DAB1: variants seen among roughly 807,000 people sequenced by gnomAD.
DAB1 encodes the protein disabled homolog 1.
A neutral mutation model predicts 64.6 loss-of-function variants in DAB1; 15 were observed. That is an observed-to-expected ratio of 0.23 (90% confidence interval 0.16 to 0.36). The LOEUF (loss-of-function observed/expected upper bound fraction) is 0.36. DAB1 is among the 10% of genes least tolerant of loss of function. The probability of loss-of-function intolerance (pLI) is 1.00; values close to 1 mark genes in which losing one functional copy is unlikely to be tolerated. For missense variants in DAB1, 596 were observed against 706.7 expected (o/e 0.84, Z 1.78); for synonymous variants, 235 against 251.9 (o/e 0.93, Z 0.64).
chr1:58,414,908 A>C (rs1282370819), intron 3 of DAB1, among the ~76,000 whole-genome samples: 1 of 152,242 alleles, frequency 6.6e-6, no homozygotes, highest in Non-Finnish European at 1.5e-5. Flanking sequence ...AAAAAATAAA[A>C]ATTTTAATAA....
chr1:57,034,873 A>G lies in DAB1; in HGVS notation c.724-8830T>C, dbSNP rs115498170. On this transcript the variant is annotated intron_variant, in intron 9 of 14. Transcript: ENST00000371236. ...GTCAGGATTTGCTTTCACCCTGTCT[A>G]TAGGACATGTGACTGTTACTTCCCT... Among the ~76,000 whole-genome samples, 376 of 152,296 alleles carry G rather than the reference A, an allele frequency of 2.5e-3. 1 individual carries two copies. The highest frequency in any genetic ancestry group is 8.3e-3 in the African/African-American group (347 of 41,574).
intron 1 of DAB1, among the ~76,000 whole-genome samples, chr1:57,833,774 T>C (rs1652692971): frequency 6.6e-6 from 1 of 152,190 alleles, no homozygotes; most frequent in Non-Finnish European, 1.5e-5. Context: ...TCATTTGGCA[T>C]GGATGACAAA....
At position 58,296,790 on chromosome 1, in the gene DAB1, C is replaced by T. The variant is rs61781882; in HGVS notation, n.309+46562G>A. ...AAAACCCAGGGTGGAGCAAGACTAC[C>T]TGGGTTTGAATCCCAATCCACTTCC... On this transcript the variant is annotated intron_variant and non_coding_transcript_variant, in intron 4 of 20. Coordinates refer to the DAB1 transcript ENST00000485760. Among the ~76,000 whole-genome samples the T allele has an allele frequency of 9.2e-3, 1,395 of 152,274 alleles. 13 individuals are homozygous for T. Among genetic ancestry groups the T allele is most frequent in the Non-Finnish European group, 0.014 (953 of 68,010 alleles).
chr1:57,175,312 TA>T (rs1377451179), intron 2 of DAB1, among the ~76,000 whole-genome samples: 13 of 137,334 alleles, frequency 9.5e-5, no homozygotes, highest in Non-Finnish European at 1.9e-4. Flanking sequence ...TTTCAGACTT[TA>T]AATTTTTTTT....
chr1:57,474,342 C>T (rs1293319949), intron 7 of DAB1, among the ~76,000 whole-genome samples: 4 of 152,136 alleles, frequency 2.6e-5, no homozygotes, highest in Non-Finnish European at 5.9e-5. Context: ...CTGTTTCTTC[C>T]ATCTTACAGC....
At chr1:57,769,274 GTCC>G (rs1377171923) in intron 6 of DAB1, among the ~76,000 whole-genome samples, 1 of 152,104 alleles carries the variant, frequency 6.6e-6, no homozygotes, top group Admixed American at 6.6e-5. Flanking sequence ...AAATTCTCCT[GTCC>G]TCCTCTGCCC....
intron 7 of DAB1, among the ~76,000 whole-genome samples, chr1:57,432,586 G>C (rs1393934372): frequency 6.6e-6 from 1 of 152,146 alleles, no homozygotes; most frequent in Non-Finnish European, 1.5e-5. Flanking sequence ...AACAAGAAGA[G>C]GACTAAGAGG....
intron 7 of DAB1, among the ~76,000 whole-genome samples, chr1:57,559,868 G>A (rs547004339): frequency 4.6e-5 from 7 of 152,340 alleles, no homozygotes; most frequent in East Asian, 1.9e-4. Flanking sequence ...GAGGGATTGC[G>A]AAGATTAGTG....
intron 4 of DAB1, among the ~76,000 whole-genome samples, chr1:58,239,332 T>A (rs1660187630): frequency 6.6e-6 from 1 of 152,160 alleles, no homozygotes; most frequent in Admixed American, 6.5e-5. Flanking sequence ...AAGATGCACG[T>A]TTTCATGTTT....
chr1:57,724,757 G>A (rs1297663349), intron 6 of DAB1, among the ~76,000 whole-genome samples: 1 of 152,170 alleles, frequency 6.6e-6, no homozygotes, highest in Non-Finnish European at 1.5e-5. Flanking sequence ...GGTCAAGAAA[G>A]AAGAAGGGGA....
intron 9 of DAB1, among the ~76,000 whole-genome samples, chr1:57,061,923 C>G (rs1650433453): frequency 6.6e-6 from 1 of 152,134 alleles, no homozygotes; most frequent in Non-Finnish European, 1.5e-5. Flanking sequence ...TTTAAAGCAC[C>G]TTCTCTGTCC....
At chr1:57,270,472 A>G (rs574590181) in intron 2 of DAB1, among the ~76,000 whole-genome samples, 3 of 152,344 alleles carry the variant, frequency 2.0e-5, no homozygotes, top group South Asian at 2.1e-4. Flanking sequence ...GCCCAAAACC[A>G]TAAGAGGCAT....
intron 2 of DAB1, among the ~76,000 whole-genome samples, chr1:57,280,861 T>C (rs1317677974): frequency 3.3e-5 from 5 of 152,178 alleles, no homozygotes; most frequent in Admixed American, 2.0e-4. Flanking sequence ...CCCCACATTA[T>C]ATAATAATTA....
chr1:57,183,548 G>A (rs1289665793), intron 2 of DAB1, among the ~76,000 whole-genome samples: 1 of 152,080 alleles, frequency 6.6e-6, no homozygotes, highest in African/African-American at 2.4e-5. Flanking sequence ...TCCATTCCTG[G>A]GCATGTTGAT....
chr1:57,767,855 A>G (rs1016324688), intron 6 of DAB1, among the ~76,000 whole-genome samples: 2 of 152,078 alleles, frequency 1.3e-5, no homozygotes, highest in African/African-American at 4.8e-5. Context: ...AATGAATCAT[A>G]TCATATATAA....
chr1:58,023,049 T>C (rs1028535223), intron 5 of DAB1, among the ~76,000 whole-genome samples: 1 of 152,154 alleles, frequency 6.6e-6, no homozygotes, highest in Non-Finnish European at 1.5e-5. Flanking sequence ...AACTTGAAAA[T>C]TCTGTGAAGA....
chr1:58,147,713 T>G (rs1023724513), intron 5 of DAB1, among the ~76,000 whole-genome samples: 1 of 151,478 alleles, frequency 6.6e-6, no homozygotes, highest in African/African-American at 2.4e-5. Flanking sequence ...CTCTGCAGAG[T>G]ACATACCCAA....
rs971631153 is a variant in DAB1 at position 58,374,908 on chromosome 1, T to G, written n.258-31505A>C. On this transcript the variant is annotated intron_variant and non_coding_transcript_variant, in intron 3 of 20. Coordinates refer to the DAB1 transcript ENST00000485760. ...AGAGGTCCTTCACATCCCTTGTAAG[T>G]TGGATTCCTAGCTATTTTATTCTCT... Among the ~76,000 whole-genome samples the G allele has an allele frequency of 3.4e-3, 473 of 138,666 alleles. 19 individuals are homozygous for G. The highest frequency in any genetic ancestry group is 0.012 in the African/African-American group (438 of 35,900). 91.0% of individuals were successfully genotyped at this position (138,666 alleles called of 152,430 possible). A position where few individuals can be genotyped will look rare whatever the true frequency, so the allele number is the denominator to read the frequency against.
At chr1:58,223,658 C>T (rs1358341264) in intron 4 of DAB1, among the ~76,000 whole-genome samples, 2 of 152,038 alleles carry the variant, frequency 1.3e-5, no homozygotes, top group African/African-American at 4.8e-5. Flanking sequence ...TATTGCTCTG[C>T]AAGAGGAGGT....
Sources: allele counts gnomAD v4.1 joint callset (sites outside exome capture counted in the v4.1 genomes callset), GRCh38; gene constraint gnomAD v4.1.1; transcripts MANE v1.5; gene names NCBI Gene and HGNC (gene_info 2026-07-23, HGNC 2026-07-21).